SGPP2: variants seen among roughly 807,000 people sequenced by gnomAD.
The protein encoded by SGPP2 is sphingosine 1-phosphate phosphohydrolase 2.
SGPP2 carries 30 observed loss-of-function variants against 33.9 expected under a neutral mutation model. That is an observed-to-expected ratio of 0.89 (90% confidence interval 0.66 to 1.20). The LOEUF (loss-of-function observed/expected upper bound fraction) is 1.20, where lower values mean the gene tolerates loss of function less well. Among genes scored for constraint, SGPP2 ranks in the 50% most tolerant of loss-of-function variants. The probability of loss-of-function intolerance (pLI) is 0.00; values close to 1 mark genes in which losing one functional copy is unlikely to be tolerated. For missense variants in SGPP2, 458 were observed against 532.1 expected, an observed-to-expected ratio of 0.86 and a Z score of 1.37; for synonymous variants, 233 against 225.0, an observed-to-expected ratio of 1.04 and a Z score of -0.32.
chr2:222,455,638 G>T (rs1409336502), intron 1 of SGPP2, among the ~76,000 whole-genome samples: 2 of 152,224 alleles, frequency 1.3e-5, no homozygotes, highest in Non-Finnish European at 2.9e-5. Flanking sequence ...ATTTGAATAA[G>T]ACCATTTGGG....
At chr2:222,436,386 A>G (rs1697240752) in intron 1 of SGPP2, among the ~76,000 whole-genome samples, 1 of 152,148 alleles carries the variant, frequency 6.6e-6, no homozygotes, top group South Asian at 2.1e-4. Context: ...AATTTTGACT[A>G]TGAGAGAAAT....
intron 2 of SGPP2, among the ~76,000 whole-genome samples, chr2:222,488,235 G>A (rs1035320535): frequency 3.3e-5 from 5 of 152,196 alleles, no homozygotes; most frequent in African/African-American, 4.8e-5. Flanking sequence ...GGTCCTTAGG[G>A]ACAGGGGTCC....
Position 222,559,018 on chromosome 2 carries a change from C to T in SGPP2, c.*120C>T, listed in dbSNP as rs1689474435. ...CAACAACAAAAAGTCATACGGCTGT[C>T]TTGCTACTACCAGATAAATGATGCT... On this transcript the variant is annotated 3_prime_UTR_variant, in exon 5 of 5. Coordinates refer to ENST00000321276, the MANE Select transcript of SGPP2 (RefSeq NM_152386.4). 7.4e-5 allele frequency: 66 copies of T among 894,372 alleles called. 1 individual carries two copies. In the South Asian group the frequency reaches 1.1e-3, roughly 15 times the overall value. 55.4% of individuals were successfully genotyped at this position (894,372 alleles called of 1,614,324 possible). A position where few individuals can be genotyped will look rare whatever the true frequency, so the allele number is the denominator to read the frequency against.
At chr2:222,487,775 G>C (rs1164646331) in intron 2 of SGPP2, among the ~76,000 whole-genome samples, 1 of 152,144 alleles carries the variant, frequency 6.6e-6, no homozygotes, top group Non-Finnish European at 1.5e-5. Context: ...GCAGCCCAGT[G>C]GTGGTGGGCT....
At chr2:222,515,422 G>A (rs894333636) in intron 2 of SGPP2, among the ~76,000 whole-genome samples, 8 of 151,958 alleles carry the variant, frequency 5.3e-5, no homozygotes, top group African/African-American at 1.2e-4. Flanking sequence ...TCCGCCTCCC[G>A]GGTTCAAGCG....
chr2:222,439,952 T>C (rs1446382231), intron 1 of SGPP2, among the ~76,000 whole-genome samples: 2 of 152,130 alleles, frequency 1.3e-5, no homozygotes, highest in African/African-American at 4.8e-5. Flanking sequence ...GAAGGAAGTA[T>C]TGGAAGGAAA....
chr2:222,466,140 A>G (rs533543481), intron 1 of SGPP2, among the ~76,000 whole-genome samples: 2 of 152,192 alleles, frequency 1.3e-5, no homozygotes, highest in East Asian at 1.9e-4. Context: ...CTTAAAAATA[A>G]TATTTTAAAA....
chr2:222,545,594 A>T (rs915310263), intron 4 of SGPP2, among the ~76,000 whole-genome samples: 1 of 152,090 alleles, frequency 6.6e-6, no homozygotes, highest in Non-Finnish European at 1.5e-5. Context: ...CAAAGAGCTT[A>T]TGTCTTTTGT....
At chr2:222,466,432 G>A (rs937238437) in intron 1 of SGPP2, among the ~76,000 whole-genome samples, 1 of 151,810 alleles carries the variant, frequency 6.6e-6, no homozygotes, top group Non-Finnish European at 1.5e-5. Flanking sequence ...CTAATTTTTT[G>A]TATTTTTAGT....
At chr2:222,497,078 A>T (rs889948657) in intron 2 of SGPP2, among the ~76,000 whole-genome samples, 5 of 152,176 alleles carry the variant, frequency 3.3e-5, no homozygotes, top group Admixed American at 1.3e-4. Context: ...TCTTAATGGA[A>T]TGGCTCCCCA....
chr2:222,474,843 T>G, intron 2 of SGPP2, 117 bp downstream of exon 2: 1 of 861,724 alleles, frequency 1.2e-6, no homozygotes. Flanking sequence ...CCACTTAGAG[T>G]TGAATTTGTT....
intron 2 of SGPP2, among the ~76,000 whole-genome samples, chr2:222,489,693 C>T (rs766356800): frequency 2.6e-5 from 4 of 152,080 alleles, no homozygotes; most frequent in African/African-American, 4.8e-5. Flanking sequence ...GGGCGGTGTG[C>T]GGTGACTTAC....
In SGPP2 at chr2:222,465,586, A is replaced by G. The variant is rs943842838; in HGVS notation, c.220-8982A>G. ...TTAATGATATTTTCTCACCAAGTTT[A>G]AGAAATCAAAAAACAAAAGAATTAA... On this transcript the variant is annotated intron_variant, in intron 1 of 4. Transcript: ENST00000321276. This position sits in a 1 kb window ranked among gnomAD's most constrained non-coding sequence, Gnocchi z 4.1. Among the ~76,000 whole-genome samples the G allele has an allele frequency of 1.3e-5, 2 of 152,210 alleles. No homozygotes were observed. Among genetic ancestry groups the G allele is most frequent in the African/African-American group, 4.8e-5 (2 of 41,452 alleles).
rs377509837 is a variant in SGPP2 at position 222,478,761 on chromosome 2, A to G, written c.378+4035A>G. 2.3e-3 allele frequency among the ~76,000 whole-genome samples: 348 copies of G among 150,644 alleles called. 2 individuals carry two copies. The highest frequency in any genetic ancestry group is 0.014 in the Middle Eastern group (4 of 292). The stretch of plus-strand genomic sequence containing the variant: ...AAAATCTTGTGTTACATTAAGGGTG[A>G]CTCACACTGTCTGAAGTAGCTTAGC... On this transcript the variant is annotated intron_variant, in intron 2 of 4. Transcript: ENST00000321276.
At chr2:222,523,512 G>A (rs1449461220) in intron 3 of SGPP2, among the ~76,000 whole-genome samples, 2 of 151,988 alleles carry the variant, frequency 1.3e-5, no homozygotes, top group Admixed American at 1.3e-4. Flanking sequence ...CCATCACCAC[G>A]GACACATCCA....
At chr2:222,509,287 A>ATCAT (rs1698490333) in intron 2 of SGPP2, among the ~76,000 whole-genome samples, 1 of 152,172 alleles carries the variant, frequency 6.6e-6, no homozygotes, top group Non-Finnish European at 1.5e-5. Context: ...TCCTGGTTTG[A>ATCAT]TCATTACACA....
intron 1 of SGPP2, among the ~76,000 whole-genome samples, chr2:222,438,346 C>T (rs1404241099): frequency 6.6e-6 from 1 of 152,198 alleles, no homozygotes; most frequent in African/African-American, 2.4e-5. Context: ...AGTTCTTGCT[C>T]ACTGGATCCA....
At chr2:222,500,221 C>G (rs1029651483) in intron 2 of SGPP2, among the ~76,000 whole-genome samples, 5 of 151,944 alleles carry the variant, frequency 3.3e-5, no homozygotes, top group African/African-American at 1.2e-4. Context: ...CTGTGGTTCT[C>G]AGTGGTAGTG....
chr2:222,545,794 G>A (rs1262477773), intron 4 of SGPP2, among the ~76,000 whole-genome samples: 1 of 152,066 alleles, frequency 6.6e-6, no homozygotes, highest in African/African-American at 2.4e-5. Context: ...AAAGAGTTCA[G>A]AATTGAGCCG....
Sources: gnomAD v4.1 joint callset for allele counts (sites outside exome capture counted in the v4.1 genomes callset) on GRCh38, gnomAD v4.1.1 for gene constraint, Gnocchi (gnomAD v3.1) non-coding constraint, MANE v1.5 for transcripts, NCBI Gene and HGNC (gene_info 2026-07-23, HGNC 2026-07-21) for gene names.